The following PTGFR variants were observed in gnomAD, a reference collection of about 807,000 sequenced individuals.
PTGFR encodes the protein prostaglandin F receptor, also known as prostaglandin F2-alpha receptor.
PTGFR carries 15 observed loss-of-function variants against 26.2 expected under a neutral mutation model. The observed-to-expected ratio is 0.57, with a 90% CI of 0.38 to 0.88. The LOEUF (loss-of-function observed/expected upper bound fraction) is 0.88, where lower values mean the gene tolerates loss of function less well. Among genes scored for constraint, PTGFR ranks in the 40% least tolerant of loss-of-function variants. PTGFR has a pLI of 0.00. For missense variants in PTGFR, 369 were observed against 427.2 expected (o/e 0.86, Z 1.20); for synonymous variants, 165 against 151.1 (o/e 1.09, Z -0.68).
At chr1:78,531,033 G>A (rs1170459314) in intron 2 of PTGFR, among the ~76,000 whole-genome samples, 1 of 152,066 alleles carries the variant, frequency 6.6e-6, no homozygotes, top group Non-Finnish European at 1.5e-5. Flanking sequence ...AGACACATTG[G>A]GGTAAAGAAA....
In PTGFR at chr1:78,537,590, G is replaced by C. The variant is rs1161554009; in HGVS notation, c.*903G>C. 2 of 152,106 alleles carry C rather than the reference G, an allele frequency of 1.3e-5. No individual in the cohort carries two copies. Among genetic ancestry groups the C allele is most frequent in the Non-Finnish European group, 2.9e-5 (2 of 68,026 alleles). The allele number at this position is 152,106 out of a possible 1,614,324, so 9.4% of individuals were successfully genotyped here. On this transcript the variant is annotated 3_prime_UTR_variant, in exon 3 of 3. Coordinates refer to ENST00000370757, the MANE Select transcript of PTGFR (RefSeq NM_000959.4). ...GGTGCTTTACCTTGAGCCATTATTT[G>C]TGTCAGAGAACAAAAGAAACAGAAT... is the stretch of plus-strand genomic sequence containing the variant.
intron 2 of PTGFR, among the ~76,000 whole-genome samples, chr1:78,496,028 G>T (rs563590577): frequency 6.6e-6 from 1 of 152,198 alleles, no homozygotes; most frequent in Admixed American, 6.5e-5. Context: ...TACTTTATGG[G>T]CTGATATTTT....
rs2100344412 is a variant in PTGFR, at chr1:78,492,961, T to G, written c.218T>G (p.Leu73Arg). 6.2e-7 allele frequency: 1 copy of G among 1,614,242 alleles called. No homozygotes were observed. The highest frequency in any genetic ancestry group is 1.3e-5 in the African/African-American group (1 of 75,072). The change falls in exon 2 of 3, where the codon CTG (leucine) becomes CGG (arginine). Residue 73 changes from leucine (L) to arginine (R), a missense_variant. By Grantham distance (102) the Leu-to-Arg change is moderately radical (BLOSUM62 -2). Transcript: ENST00000370757. ...TCGTTTCTGCTTTTGGCCAGTGGCC[T>G]GGTAATCACTGATTTCTTTGGCCAT... ...KASFLLLASG[L>R]VITDFFGHLI...
intron 2 of PTGFR, among the ~76,000 whole-genome samples, chr1:78,521,223 A>G (rs1033758745): frequency 6.6e-6 from 1 of 152,166 alleles, no homozygotes; most frequent in Non-Finnish European, 1.5e-5. Context: ...TTATGGGAAA[A>G]ACAATTATTA....
chr1:78,508,186 T>C (rs1206756980), intron 2 of PTGFR, among the ~76,000 whole-genome samples: 1 of 152,218 alleles, frequency 6.6e-6, no homozygotes, highest in Non-Finnish European at 1.5e-5. Flanking sequence ...CATGAAATGC[T>C]TATTACAAAT....
rs549967125 is a variant in PTGFR, at chr1:78,540,464, C to T, written c.*3777C>T. On this transcript the variant is annotated 3_prime_UTR_variant, in exon 3 of 3. Coordinates refer to ENST00000370757, the MANE Select transcript of PTGFR (RefSeq NM_000959.4). ...ATTTAGAAACATCATGGCATAGAAA[C>T]ATTTAGGACTCACTCTTTGTAAGTA... Among the ~76,000 whole-genome samples the T allele has an allele frequency of 4.6e-5, 7 of 152,014 alleles. No individual in the cohort carries two copies. Among genetic ancestry groups the T allele is most frequent in the Non-Finnish European group, 1.0e-4 (7 of 67,984 alleles).
At chr1:78,536,230 A>G (rs1299991105) in intron 2 of PTGFR, among the ~76,000 whole-genome samples, 176 bp from the exon 3 acceptor site, 2 of 152,122 alleles carry the variant, frequency 1.3e-5, no homozygotes, top group Non-Finnish European at 2.9e-5. Flanking sequence ...AATTAAAATG[A>G]TTCATTTGTC....
At chr1:78,510,565 G>A (rs1338011114) in intron 2 of PTGFR, among the ~76,000 whole-genome samples, 2 of 152,176 alleles carry the variant, frequency 1.3e-5, no homozygotes, top group African/African-American at 4.8e-5. Flanking sequence ...CCTCCCACCA[G>A]GCCCCACATC....
At chr1:78,500,996 A>G (rs143602161) in intron 2 of PTGFR, among the ~76,000 whole-genome samples, 85 of 151,838 alleles carry the variant, frequency 5.6e-4, no homozygotes, top group African/African-American at 1.6e-3. Flanking sequence ...TCTTAGAAAA[A>G]CATGACCTTT....
intron 2 of PTGFR, among the ~76,000 whole-genome samples, chr1:78,506,099 G>A (rs532937344): frequency 2.8e-4 from 42 of 152,254 alleles, no homozygotes; most frequent in Non-Finnish European, 5.3e-4. Flanking sequence ...AACTTCTTGA[G>A]AAACCACCAA....
chr1:78,506,403 A>G (rs1014587330), intron 2 of PTGFR, among the ~76,000 whole-genome samples: 5 of 151,878 alleles, frequency 3.3e-5, no homozygotes, highest in African/African-American at 1.2e-4. Context: ...TCCCTGCTTT[A>G]TTTTATTCTT....
At chr1:78,514,259 T>G (rs1650041835) in intron 2 of PTGFR, among the ~76,000 whole-genome samples, 1 of 152,202 alleles carries the variant, frequency 6.6e-6, no homozygotes. Context: ...CCACGGTGGC[T>G]GCATCTTGCA....
Position 78,537,412 on chromosome 1 carries a change from G to A in PTGFR, c.*725G>A, listed in dbSNP as rs1650684133. ...TTTTTTCTCTGAAAATTTTGTGTGT[G>A]ATTGCACAATAAATAATTTTTAGAG... On this transcript the variant is annotated 3_prime_UTR_variant, in exon 3 of 3. Coordinates refer to ENST00000370757, the MANE Select transcript of PTGFR (RefSeq NM_000959.4). 6.6e-6 allele frequency: 1 copy of A among 152,040 alleles called. No homozygotes were observed. Among genetic ancestry groups the A allele is most frequent in the Non-Finnish European group, 1.5e-5 (1 of 67,990 alleles). The allele number at this position is 152,040 out of a possible 1,614,324, so 9.4% of individuals were successfully genotyped here.
chr1:78,517,993 AG>A (rs1019073551), intron 2 of PTGFR, among the ~76,000 whole-genome samples: 1 of 152,188 alleles, frequency 6.6e-6, no homozygotes, highest in Non-Finnish European at 1.5e-5. Context: ...TGCCAAGATT[AG>A]TTTGTAAATA....
chr1:78,530,153 C>A (rs978873882), intron 2 of PTGFR, among the ~76,000 whole-genome samples: 11 of 152,106 alleles, frequency 7.2e-5, no homozygotes, highest in Admixed American at 3.3e-4. Context: ...TGTTTTATTC[C>A]ATCTATCACT....
intron 2 of PTGFR, among the ~76,000 whole-genome samples, chr1:78,506,033 A>G (rs759023326): frequency 7.9e-5 from 12 of 152,166 alleles, no homozygotes; most frequent in East Asian, 3.8e-4. Context: ...CCTGTTTACA[A>G]TTCTTTTGGG....
chr1:78,522,898 G>T (rs1175886914), intron 2 of PTGFR, among the ~76,000 whole-genome samples: 1 of 151,910 alleles, frequency 6.6e-6, no homozygotes, highest in African/African-American at 2.4e-5. Flanking sequence ...AATATTAGTG[G>T]TACCTATGTC....
Position 78,540,461 on chromosome 1 carries a change from A to G in PTGFR, c.*3774A>G, listed in dbSNP as rs1650769691. On this transcript the variant is annotated 3_prime_UTR_variant, in exon 3 of 3. Transcript: ENST00000370757. The stretch of plus-strand genomic sequence containing the variant: ...AACATTTAGAAACATCATGGCATAG[A>G]AACATTTAGGACTCACTCTTTGTAA... Among the ~76,000 whole-genome samples the G allele has an allele frequency of 6.6e-6, 1 of 152,152 alleles. No homozygotes were observed.
At chr1:78,511,192 T>C (rs1649959753) in intron 2 of PTGFR, among the ~76,000 whole-genome samples, 1 of 152,186 alleles carries the variant, frequency 6.6e-6, no homozygotes, top group Admixed American at 6.5e-5. Context: ...GCAATGCCCC[T>C]CTGGGGACTC....
Sources: gnomAD v4.1 joint callset for allele counts (sites outside exome capture counted in the v4.1 genomes callset) on GRCh38, gnomAD v4.1.1 for gene constraint, MANE v1.5 for transcripts, NCBI Gene and HGNC (gene_info 2026-07-23, HGNC 2026-07-21) for gene names.